The following ASCC2 variants were observed in gnomAD, a reference collection of about 807,000 sequenced individuals.
ASCC2 encodes ASC-1 complex subunit P100.
Under a neutral mutation model 93.5 loss-of-function variants are expected in ASCC2, and 42 were observed. The ratio of observed to expected loss-of-function variants is 0.45; its 90% CI spans 0.35 to 0.58. The LOEUF is 0.58. ASCC2 is among the 20% of genes least tolerant of loss of function. ASCC2 has a pLI of 0.00. For synonymous variants in ASCC2, 364 were observed against 384.2 expected (o/e 0.95, Z 0.62); for missense variants, 859 against 977.6 (o/e 0.88, Z 1.62).
At chr22:29,812,250 T>G (rs2060352761) in intron 8 of ASCC2, among the ~76,000 whole-genome samples, 1 of 152,094 alleles carries the variant, frequency 6.6e-6, no homozygotes, top group South Asian at 2.1e-4. Flanking sequence ...CTACAAATGG[T>G]GGGGAGAAAC....
chr22:29,802,061 C>T lies in ASCC2; in HGVS notation c.1501G>A (p.Val501Met), dbSNP rs1358594630. The change falls in exon 14 of 20, where the codon GTG becomes ATG. Residue 501 changes from valine (V) to methionine (M), a missense_variant. By Grantham distance (21) the Val-to-Met change is conservative. Transcript: ENST00000307790. ...CGCTCCTCCAGGATATTGTTGATCA[C>T]CTGCTCTGGGTCGTAGTGGTAGTAC... ...LEYYHYDPEQVINNILEERLA... is the reference protein window; with the variant it reads ...LEYYHYDPEQMINNILEERLA... 4.3e-6 allele frequency: 7 copies of T among 1,613,974 alleles called. No individual in the cohort carries two copies. Among genetic ancestry groups the T allele is most frequent in the Non-Finnish European group, 5.9e-6 (7 of 1,179,936 alleles).
At chr22:29,830,587 GCC>G (rs1329909355) in intron 2 of ASCC2, among the ~76,000 whole-genome samples, 5 of 151,950 alleles carry the variant, frequency 3.3e-5, no homozygotes, top group Non-Finnish European at 7.4e-5. Context: ...AAGCCTCCCT[GCC>G]CCTACACACC....
intron 1 of ASCC2, chr22:29,836,446 AGT>A (rs911685566): frequency 6.6e-6 from 1 of 151,234 alleles, no homozygotes; most frequent in African/African-American, 2.4e-5. Context: ...ACCTGAAGGC[AGT>A]GAGGAGTCAT....
chr22:29,795,676 G>A (rs748162099), intron 15 of ASCC2, among the ~76,000 whole-genome samples: 3 of 152,166 alleles, frequency 2.0e-5, no homozygotes, highest in South Asian at 4.1e-4. Context: ...GAGGAAACTC[G>A]GGTGCATTGG....
intron 15 of ASCC2, 66 bp from the exon 16 acceptor site, chr22:29,793,742 G>T: frequency 6.8e-7 from 1 of 1,462,720 alleles, no homozygotes; most frequent in Non-Finnish European, 9.2e-7. Flanking sequence ...AGGGTACGGA[G>T]GGTCCAGAGA....
chr22:29,833,129 A>G (rs776606795), intron 1 of ASCC2, among the ~76,000 whole-genome samples: 3 of 152,084 alleles, frequency 2.0e-5, no homozygotes, highest in Non-Finnish European at 4.4e-5. Flanking sequence ...GATTCCCTTT[A>G]TTATGGCTCC....
At chr22:29,818,935 C>T (rs1484006779) in intron 5 of ASCC2, among the ~76,000 whole-genome samples, 2 of 152,186 alleles carry the variant, frequency 1.3e-5, no homozygotes, top group Non-Finnish European at 2.9e-5. Flanking sequence ...CCCAGCCAGG[C>T]TCTCACCTTC....
intron 8 of ASCC2, among the ~76,000 whole-genome samples, chr22:29,813,192 T>A (rs1200281063): frequency 6.6e-6 from 1 of 152,010 alleles, no homozygotes; most frequent in Non-Finnish European, 1.5e-5. Flanking sequence ...ATTGTATGTG[T>A]GTGTGTATTT....
chr22:29,830,131 TGTC>T (rs1403690796), intron 2 of ASCC2, among the ~76,000 whole-genome samples: 5 of 152,194 alleles, frequency 3.3e-5, no homozygotes, highest in Non-Finnish European at 5.9e-5. Flanking sequence ...CTGCTGTTGT[TGTC>T]CCTGCTGTCA....
intron 9 of ASCC2, among the ~76,000 whole-genome samples, chr22:29,807,799 C>T (rs923144571): frequency 6.6e-6 from 1 of 152,046 alleles, no homozygotes; most frequent in African/African-American, 2.4e-5. Flanking sequence ...ATCCCAGCTA[C>T]TCGGGAGACT....
intron 1 of ASCC2, among the ~76,000 whole-genome samples, chr22:29,837,119 C>G (rs958843023): frequency 6.6e-6 from 1 of 152,158 alleles, no homozygotes; most frequent in African/African-American, 2.4e-5. Context: ...GAGTTTTTGT[C>G]TAAAGCACGG....
chr22:29,801,084 A>T lies in ASCC2; in HGVS notation c.1595T>A (p.Leu532Gln). The change falls in exon 15 of 20, where the codon CTG becomes CAG. Residue 532 changes from leucine to glutamine, a missense_variant. By Grantham distance (113) the Leu-to-Gln change is moderately radical (BLOSUM62 -2). Transcript: ENST00000307790. ...GAAGACGTTGTGGCGAGACGTCAGC[A>T]GGGGTGTAGGGTCTGGTTTCATTTC... is the stretch of plus-strand genomic sequence containing the variant. ...DREMKPDPTPLLTSRHNVFQN... is the reference protein window; with the variant it reads ...DREMKPDPTPQLTSRHNVFQN... 6.2e-7 allele frequency: 1 copy of T among 1,604,708 alleles called. No individual in the cohort carries two copies. The highest frequency in any genetic ancestry group is 8.5e-7 in the Non-Finnish European group (1 of 1,172,222).
chr22:29,797,475 G>A (rs997716723), intron 15 of ASCC2, among the ~76,000 whole-genome samples: 23 of 152,162 alleles, frequency 1.5e-4, no homozygotes, highest in African/African-American at 5.3e-4. Context: ...GCTACTAAGA[G>A]CAAAGCCAGG....
chr22:29,822,114 G>A (rs979034343), intron 5 of ASCC2: 6 of 582,810 alleles, frequency 1.0e-5, no homozygotes, highest in Admixed American at 5.9e-5. Flanking sequence ...CAGATCCCTG[G>A]GGAACTGTCT....
intron 15 of ASCC2, among the ~76,000 whole-genome samples, chr22:29,797,891 G>A (rs1435362403): frequency 3.3e-5 from 5 of 152,026 alleles, no homozygotes; most frequent in African/African-American, 1.2e-4. Context: ...TCAGCCTCCC[G>A]AGTAACTGAG....
At chr22:29,830,819 G>A (rs2063048633) in intron 2 of ASCC2, among the ~76,000 whole-genome samples, 1 of 152,232 alleles carries the variant, frequency 6.6e-6, no homozygotes, top group African/African-American at 2.4e-5. Context: ...TTTTCTGAGA[G>A]CCTCCTGTGC....
rs541686613 is a variant in ASCC2 at position 29,825,877 on chromosome 22, C to T, written c.82-97G>A. The T allele has an allele frequency of 3.3e-5, 47 of 1,414,760 alleles. No individual in the cohort carries two copies. The East Asian group carries it at 7.8e-4, about 24-fold the overall frequency. The allele number at this position is 1,414,760 out of a possible 1,614,324, so 87.6% of individuals were successfully genotyped here. A position where few individuals can be genotyped will look rare whatever the true frequency, so the allele number is the denominator to read the frequency against. Reference sequence around the variant, plus strand: ...AATGACAACACTTGGCTGTTCCAACCGGTGACCCTCCAAGGAGCTTTTAAG... The same window carrying T: ...AATGACAACACTTGGCTGTTCCAACTGGTGACCCTCCAAGGAGCTTTTAAG... On this transcript the variant is annotated intron_variant, in intron 2 of 19. Transcript: ENST00000307790. This position sits in a 1 kb window ranked among gnomAD's most constrained non-coding sequence, Gnocchi z 4.9.
intron 2 of ASCC2, 67 bp downstream of exon 2, chr22:29,832,178 T>C (rs1202275117): frequency 8.5e-6 from 12 of 1,407,994 alleles, no homozygotes; most frequent in Non-Finnish European, 1.2e-5. Flanking sequence ...AGACGGAATT[T>C]ACTTTTTGCT....
intron 12 of ASCC2, 102 bp from the exon 13 acceptor site, chr22:29,804,932 G>C: frequency 7.6e-7 from 1 of 1,310,920 alleles, no homozygotes; most frequent in South Asian, 1.3e-5. Flanking sequence ...CCTGCCAGGG[G>C]CTTTCTGGGC....
Sources: gnomAD v4.1 joint callset for allele counts (sites outside exome capture counted in the v4.1 genomes callset) on GRCh38, gnomAD v4.1.1 for gene constraint, Gnocchi (gnomAD v3.1) non-coding constraint, MANE v1.5 for transcripts, NCBI Gene and HGNC (gene_info 2026-07-23, HGNC 2026-07-21) for gene names.